IFT88: variants seen among roughly 807,000 people sequenced by gnomAD.
IFT88 encodes intraflagellar transport 88.
IFT88 carries 74 observed loss-of-function variants against 119.5 expected under a neutral mutation model. The ratio of observed to expected loss-of-function variants is 0.62; its 90% CI spans 0.51 to 0.75. The LOEUF is 0.75. IFT88 is among the 30% of genes least tolerant of loss of function. IFT88 has a pLI of 0.00. For synonymous variants in IFT88, 279 were observed against 316.7 expected (o/e 0.88, Z 1.26); for missense variants, 961 against 977.7 (o/e 0.98, Z 0.23).
chr13:20,629,201 C>T (rs1594398520), intron 15 of IFT88, among the ~76,000 whole-genome samples: 1 of 152,220 alleles, frequency 6.6e-6, no homozygotes, highest in East Asian at 1.9e-4. Flanking sequence ...GAAGATTAGA[C>T]TATCTCAATT....
chr13:20,686,207 A>G (rs954978158), intron 24 of IFT88, among the ~76,000 whole-genome samples: 3 of 152,230 alleles, frequency 2.0e-5, no homozygotes, highest in African/African-American at 7.2e-5. Context: ...TAACTTCTAG[A>G]GACAATCTTA....
chr13:20,581,049 A>G (rs1284069519), intron 2 of IFT88, among the ~76,000 whole-genome samples: 4 of 152,162 alleles, frequency 2.6e-5, no homozygotes, highest in Non-Finnish European at 4.4e-5. Flanking sequence ...TTAAAGCACC[A>G]GGGACACTTC....
intron 9 of IFT88, 127 bp from the exon 10 acceptor site, chr13:20,598,524 A>G (rs981074832): frequency 1.9e-6 from 1 of 516,642 alleles, no homozygotes. Context: ...ACTTAATTTC[A>G]TAATTGGCTG....
intron 8 of IFT88, 112 bp downstream of exon 8, chr13:20,596,352 A>G: frequency 5.4e-6 from 2 of 368,210 alleles, no homozygotes; most frequent in Non-Finnish European, 1.0e-5. Flanking sequence ...GACTGGTCTT[A>G]GGATAAGAAG....
chr13:20,626,043 CTTTTTTTTTTTTTTTTTTTTTT>C lies in IFT88; in HGVS notation c.1299+208_1299+229del, dbSNP rs528587128. Among the ~76,000 whole-genome samples, 50 of 39,580 alleles carry C rather than the reference CTTTTTTTTTTTTTTTTTTTTTT, an allele frequency of 1.3e-3. 1 individual carries two copies. The highest frequency in any genetic ancestry group is 6.7e-3 in the Admixed American group (14 of 2,098). 26.0% of individuals were successfully genotyped at this position (39,580 alleles called of 152,430 possible). Reference sequence around the variant, plus strand: ...ATTAATTTTTGCCTGTTTGTCGTTTCTTTTTTTTTTTTTTTTTTTTTTTTTTTTTTTTTTTGAGATGGAGTCT... The same window carrying C: ...ATTAATTTTTGCCTGTTTGTCGTTTCTTTTTTTTTTTTTGAGATGGAGTCT... On this transcript the variant is annotated intron_variant, in intron 15 of 25. Transcript: ENST00000351808.
intron 9 of IFT88, among the ~76,000 whole-genome samples, chr13:20,597,754 A>AAAAATAT (rs1446969137): frequency 5.6e-5 from 8 of 142,658 alleles, no homozygotes; most frequent in African/African-American, 1.6e-4. Context: ...TCAAAAAAAA[A>AAAAATAT]ATATATATAT....
At position 20,671,143 on chromosome 13, in the gene IFT88, G is replaced by A. The variant is rs879139110; in HGVS notation, c.2242+104G>A. 20 of 868,416 alleles carry A rather than the reference G, an allele frequency of 2.3e-5. No homozygotes were observed. In the East Asian group the frequency reaches 3.7e-4, roughly 16 times the overall value. 53.8% of individuals were successfully genotyped at this position (868,416 alleles called of 1,614,324 possible). A position where few individuals can be genotyped will look rare whatever the true frequency, so the allele number is the denominator to read the frequency against. Reference sequence around the variant, plus strand: ...TCTAAAGTGTTCTTATGTGTCTGTCGGTTTGTTCTATACACAGTGAAACTT... The same window carrying A: ...TCTAAAGTGTTCTTATGTGTCTGTCAGTTTGTTCTATACACAGTGAAACTT... On this transcript the variant is annotated intron_variant, in intron 24 of 25. Transcript: ENST00000351808.
At chr13:20,620,793 T>A (rs1038918696) in intron 14 of IFT88, among the ~76,000 whole-genome samples, 1 of 152,158 alleles carries the variant, frequency 6.6e-6, no homozygotes, top group Non-Finnish European at 1.5e-5. Flanking sequence ...CCTCCCAAAG[T>A]GCTGGGATGA....
intron 24 of IFT88, among the ~76,000 whole-genome samples, chr13:20,690,181 G>A (rs1319178246): frequency 2.6e-5 from 4 of 152,134 alleles, no homozygotes; most frequent in Non-Finnish European, 5.9e-5. Context: ...TTAAAAGTGA[G>A]GCTTACATAA....
chr13:20,636,331 A>G (rs558705165), intron 16 of IFT88, among the ~76,000 whole-genome samples: 1 of 152,360 alleles, frequency 6.6e-6, no homozygotes, highest in Non-Finnish European at 1.5e-5. Flanking sequence ...ATCTTGTGCC[A>G]CCACAAGAAA....
chr13:20,681,189 A>C (rs1461067128), intron 24 of IFT88, among the ~76,000 whole-genome samples: 1 of 152,248 alleles, frequency 6.6e-6, no homozygotes, highest in Non-Finnish European at 1.5e-5. Flanking sequence ...AGCCTGGGAC[A>C]TTGTCCGTTT....
chr13:20,592,081 G>A (rs957846112), intron 6 of IFT88, among the ~76,000 whole-genome samples: 1 of 152,128 alleles, frequency 6.6e-6, no homozygotes, highest in Non-Finnish European at 1.5e-5. Context: ...TAAATGCTGA[G>A]AATATCTTAT....
At chr13:20,671,183 T>G (rs2055796310) in intron 24 of IFT88, 144 bp downstream of exon 24, 1 of 525,224 alleles carries the variant, frequency 1.9e-6, no homozygotes, top group Non-Finnish European at 3.3e-6. Context: ...TTAATTAATT[T>G]GGTAAGCAGT....
intron 13 of IFT88, among the ~76,000 whole-genome samples, chr13:20,611,085 C>A (rs1267350372): frequency 1.3e-5 from 2 of 150,976 alleles, no homozygotes; most frequent in Non-Finnish European, 2.9e-5. Flanking sequence ...GAGTGAGACC[C>A]CATCTCAAAT....
chr13:20,673,552 T>TA (rs1283636393), intron 24 of IFT88, among the ~76,000 whole-genome samples: 1 of 152,198 alleles, frequency 6.6e-6, no homozygotes, highest in African/African-American at 2.4e-5. Context: ...ACCTTTCCCA[T>TA]AGCCCTCTTT....
intron 6 of IFT88, 48 bp downstream of exon 6, chr13:20,591,729 T>C (rs1171742234): frequency 8.2e-7 from 1 of 1,221,794 alleles, no homozygotes; most frequent in Admixed American, 1.9e-5. Context: ...TCTTTTAATC[T>C]TTTATCATTT....
intron 20 of IFT88, among the ~76,000 whole-genome samples, chr13:20,650,352 A>G (rs1480888542): frequency 6.6e-6 from 1 of 152,204 alleles, no homozygotes; most frequent in Non-Finnish European, 1.5e-5. Flanking sequence ...CTTCACATTA[A>G]TAGAATGAAG....
chr13:20,666,845 C>A (rs78587568), intron 23 of IFT88, among the ~76,000 whole-genome samples: 101 of 152,270 alleles, frequency 6.6e-4, no homozygotes, highest in African/African-American at 2.2e-3. Flanking sequence ...ATCACCTATC[C>A]CACCACTTAG....
chr13:20,627,031 C>T (rs2047449543), intron 15 of IFT88, among the ~76,000 whole-genome samples: 1 of 152,166 alleles, frequency 6.6e-6, no homozygotes, highest in African/African-American at 2.4e-5. Context: ...AGAACATTAT[C>T]TACTAAAGAA....
Sources: gnomAD v4.1 joint callset for allele counts (sites outside exome capture counted in the v4.1 genomes callset) on GRCh38, gnomAD v4.1.1 for gene constraint, MANE v1.5 for transcripts, NCBI Gene and HGNC (gene_info 2026-07-23, HGNC 2026-07-21) for gene names.